Variants in IL17RE observed in about 807,000 individuals in gnomAD.
IL17RE encodes interleukin 17 receptor E, also known as interleukin-17 receptor E.
Under a neutral mutation model 70.7 loss-of-function variants are expected in IL17RE, and 47 were observed. The ratio of observed to expected loss-of-function variants is 0.67; its 90% CI spans 0.53 to 0.85. IL17RE has a LOEUF of 0.85. IL17RE is among the 40% of genes least tolerant of loss of function. The pLI is 0.00. For synonymous variants in IL17RE, 372 were observed against 381.2 expected, an observed-to-expected ratio of 0.98 and a Z score of 0.28; for missense variants, 850 against 893.9, an observed-to-expected ratio of 0.95 and a Z score of 0.63.
chr3:9,915,971 C>G lies in IL17RE; in HGVS notation c.*164C>G, dbSNP rs1455823294. Reference sequence around the variant, plus strand: ...ACAGGCCGGAAGTCCCAGCCCAGTCCCCGCGCGCGTCCCTCTTCCTCCTCA... The same window carrying G: ...ACAGGCCGGAAGTCCCAGCCCAGTCGCCGCGCGCGTCCCTCTTCCTCCTCA... On this transcript the variant is annotated 3_prime_UTR_variant, in exon 16 of 16. Transcript: ENST00000383814. This position sits in a 1 kb window ranked among gnomAD's most constrained non-coding sequence, Gnocchi z 4.9. 3 of 1,241,782 alleles carry G rather than the reference C, an allele frequency of 2.4e-6. No individual in the cohort carries two copies. The African/African-American group carries it at 4.8e-5, about 20-fold the overall frequency. The allele number at this position is 1,241,782 out of a possible 1,614,324, so 76.9% of individuals were successfully genotyped here. A position where few individuals can be genotyped will look rare whatever the true frequency, so the allele number is the denominator to read the frequency against.
intron 6 of IL17RE, 40 bp downstream of exon 6, chr3:9,907,140 A>G (rs1256009194): frequency 6.2e-7 from 1 of 1,611,572 alleles, no homozygotes; most frequent in South Asian, 1.1e-5. Flanking sequence ...CCGATCACAC[A>G]GTGCTAGCAA....
chr3:9,909,086 C>T (rs1164721222), intron 7 of IL17RE, 131 bp from the exon 8 acceptor site: 2 of 707,448 alleles, frequency 2.8e-6, no homozygotes, highest in Non-Finnish European at 2.5e-6. Flanking sequence ...TTGCCCCCTC[C>T]TGCTCGGTCA....
At chr3:9,909,506 G>A (rs1039600781) in intron 8 of IL17RE, 19 of 569,798 alleles carry the variant, frequency 3.3e-5, no homozygotes, top group Middle Eastern at 4.5e-4. Flanking sequence ...GCTGAGCACC[G>A]CAGTACTGTG....
rs866178143 is a variant in IL17RE at position 9,915,255 on chromosome 3, G to T, written c.1452G>T (p.Pro484=). The T allele has an allele frequency of 7.2e-7, 1 of 1,391,412 alleles. No individual in the cohort carries two copies. The highest frequency in any genetic ancestry group is 2.9e-5 in the East Asian group (1 of 34,280). 86.2% of individuals were successfully genotyped at this position (1,391,412 alleles called of 1,614,324 possible). A position where few individuals can be genotyped will look rare whatever the true frequency, so the allele number is the denominator to read the frequency against. Residue 484 remains proline, a synonymous_variant, in exon 16 of 16, where the codon CCG becomes CCT. Coordinates refer to ENST00000383814, the MANE Select transcript of IL17RE (RefSeq NM_153480.2). This position sits in a 1 kb window ranked among gnomAD's most constrained non-coding sequence, Gnocchi z 4.9. ...ALTCRRPQSG[P]GPARPVLLLH... is the part of the protein sequence containing the mutation. ...TCTGTTGCTTCCCGCCACCAGGCCC[G>T]GGCCCAGCGCGGCCAGTGCTCCTCC...
chr3:9,902,541 G>T, upstream of IL17RE: 1 of 1,268,552 alleles, frequency 7.9e-7, no homozygotes, highest in Non-Finnish European at 1.1e-6. Context: ...ATGTCTATGG[G>T]AGACACAAGT....
Position 9,914,498 on chromosome 3 carries a change from G to C in IL17RE, c.1297-50G>C, listed in dbSNP as rs548679080. ...AGCTCCATGCTTCACTCAGCTCCCCGGGAGGAGAAGATGCCTGGCTCATAG... is the reference window on the plus strand; with the variant it reads ...AGCTCCATGCTTCACTCAGCTCCCCCGGAGGAGAAGATGCCTGGCTCATAG... On this transcript the variant is annotated intron_variant, in intron 13 of 15. Transcript: ENST00000383814. The C allele has an allele frequency of 3.5e-4, 566 of 1,610,014 alleles. 9 individuals are homozygous for C. The South Asian group carries it at 5.9e-3, about 17-fold the overall frequency.
intron 2 of IL17RE, 62 bp downstream of exon 2, chr3:9,903,474 CA>C: frequency 6.4e-7 from 1 of 1,565,192 alleles, no homozygotes; most frequent in Non-Finnish European, 8.8e-7. Context: ...AGATGCCTAG[CA>C]AGCCCTCCAT....
At position 9,908,369 on chromosome 3, in the gene IL17RE, A is replaced by T. The variant is rs557294830; in HGVS notation, c.735+62A>T. On this transcript the variant is annotated intron_variant, in intron 7 of 15. Coordinates refer to ENST00000383814, the MANE Select transcript of IL17RE (RefSeq NM_153480.2). ...TGCTCCTAAGCCCCCAAGGTAGCGC[A>T]GTTGGTCAAGTATATCTCCAGTAAA... The T allele has an allele frequency of 5.6e-5, 78 of 1,404,942 alleles. 1 individual carries two copies. In the African/African-American group the frequency reaches 1.1e-3, roughly 19 times the overall value. 87.0% of individuals were successfully genotyped at this position (1,404,942 alleles called of 1,614,324 possible). A position where few individuals can be genotyped will look rare whatever the true frequency, so the allele number is the denominator to read the frequency against.
intron 12 of IL17RE, among the ~76,000 whole-genome samples, chr3:9,912,857 A>C (rs1048956809): frequency 6.6e-6 from 1 of 152,186 alleles, no homozygotes; most frequent in Non-Finnish European, 1.5e-5. Flanking sequence ...TGACAGCATA[A>C]GACTCTGACT....
At chr3:9,914,922 G>A (rs1420890668) in intron 15 of IL17RE, 145 bp downstream of exon 15, 1 of 741,480 alleles carries the variant, frequency 1.3e-6, no homozygotes, top group Non-Finnish European at 2.2e-6. Flanking sequence ...AAGTGAGCAG[G>A]AATGGTTAAG....
chr3:9,907,679 G>T (rs2082792046), intron 6 of IL17RE, among the ~76,000 whole-genome samples: 1 of 152,198 alleles, frequency 6.6e-6, no homozygotes, highest in African/African-American at 2.4e-5. Context: ...CTAAGAGGTT[G>T]TATCGCCTAA....
In IL17RE at chr3:9,910,989, G is replaced by A. The variant is rs1325430114; in HGVS notation, c.927G>A (p.Trp309Ter). The A allele has an allele frequency of 1.9e-6, 3 of 1,614,062 alleles. No homozygotes were observed. In the African/African-American group the frequency reaches 4.0e-5, roughly 22 times the overall value. ...LEAALCQRHD[W>*]HTLCKDLPNA... is the part of the protein sequence containing the mutation. ...CTGCCCTCTGCCAGAGGCACGACTG[G>A]CATACCCTTTGCAAAGACCTCCCGA... The change falls in exon 9 of 16, where the codon TGG (tryptophan) becomes TGA (stop). Residue 309 changes from tryptophan to a stop codon, truncating the protein, a stop_gained. Transcript: ENST00000383814. LOFTEE classifies it high-confidence loss of function.
intron 8 of IL17RE, chr3:9,909,756 G>T (rs777241989): frequency 1.3e-5 from 2 of 156,634 alleles, no homozygotes; most frequent in African/African-American, 4.8e-5. Context: ...GGAGAGGCAG[G>T]ACACTCAGAC....
chr3:9,912,142 A>G (rs1034554809), intron 12 of IL17RE, among the ~76,000 whole-genome samples: 1 of 152,180 alleles, frequency 6.6e-6, no homozygotes, highest in East Asian at 1.9e-4. Flanking sequence ...CGCAAACCCT[A>G]TTGTGAACGG....
At chr3:9,904,181 C>T (rs2082700342) in intron 3 of IL17RE, 30 bp downstream of exon 3, 2 of 1,610,704 alleles carry the variant, frequency 1.2e-6, no homozygotes, top group Non-Finnish European at 1.7e-6. Flanking sequence ...GGGCCATTCT[C>T]AGTGAAGAGA....
chr3:9,906,361 C>G lies in IL17RE; in HGVS notation c.269-3C>G. On this transcript the variant is annotated splice_region_variant and splice_polypyrimidine_tract_variant and intron_variant, in intron 3 of 15. Coordinates refer to ENST00000383814, the MANE Select transcript of IL17RE (RefSeq NM_153480.2). ...AGATAGTAAGTACGTCTCCCCTGCA[C>G]AGGTCTTCAACGGGGCCTCTTCCAC... is the stretch of plus-strand genomic sequence containing the variant. 1 of 1,608,634 alleles carries G rather than the reference C, an allele frequency of 6.2e-7. No homozygotes were observed. The highest frequency in any genetic ancestry group is 8.5e-7 in the Non-Finnish European group (1 of 1,175,180).
chr3:9,907,182 T>TG, intron 6 of IL17RE, 82 bp downstream of exon 6: 1 of 1,555,334 alleles, frequency 6.4e-7, no homozygotes, highest in South Asian at 1.2e-5. Flanking sequence ...ATGAGGAAAC[T>TG]GAGGCCCAGA....
At chr3:9,908,108 GAGA>G in intron 6 of IL17RE, 128 bp from the exon 7 acceptor site, 5 of 705,138 alleles carry the variant, frequency 7.1e-6, no homozygotes, top group Middle Eastern at 2.4e-4. Context: ...GACTTATCAG[GAGA>G]AGAAGTATCT....
Position 9,915,443 on chromosome 3 carries a change from G to T in IL17RE, c.1640G>T (p.Arg547Leu). The stretch of plus-strand genomic sequence containing the variant: ...CCGTGGCTCTGGGCGGCGCGGACGC[G>T]CGTAGCGCGGGAGCAGGGCACTGTG... The part of the protein sequence containing the change: ...PLPWLWAART[R>L]VAREQGTVLL... The change falls in exon 16 of 16, where the codon CGC becomes CTC. Residue 547 changes from arginine (R) to leucine (L), a missense_variant. By Grantham distance (102) the Arg-to-Leu change is moderately radical. Transcript: ENST00000383814. The surrounding 1 kb of genome is among the most constrained non-coding windows in gnomAD (Gnocchi z 4.9). 1 of 1,352,510 alleles carries T rather than the reference G, an allele frequency of 7.4e-7. No homozygotes were observed. Among genetic ancestry groups the T allele is most frequent in the Admixed American group, 3.9e-5 (1 of 25,794 alleles). 83.8% of individuals were successfully genotyped at this position (1,352,510 alleles called of 1,614,324 possible). A position where few individuals can be genotyped will look rare whatever the true frequency, so the allele number is the denominator to read the frequency against.
Sources: allele counts gnomAD v4.1 joint callset (sites outside exome capture counted in the v4.1 genomes callset), GRCh38; gene constraint gnomAD v4.1.1; non-coding constraint Gnocchi (gnomAD v3.1); transcripts MANE v1.5; gene names NCBI Gene and HGNC (gene_info 2026-07-23, HGNC 2026-07-21).